The following FHIT variants were observed in gnomAD, a reference collection of about 807,000 sequenced individuals.
The protein encoded by FHIT is bis(5'-adenosyl)-triphosphatase.
FHIT carries 19 observed loss-of-function variants against 17.9 expected under a neutral mutation model. The observed-to-expected ratio is 1.06, with a 90% confidence interval of 0.74 to 1.56. The LOEUF (loss-of-function observed/expected upper bound fraction) is 1.56. Ranked by LOEUF, FHIT falls within the 40% of genes most tolerant of loss-of-function variation. The pLI, the probability that FHIT is intolerant of heterozygous loss-of-function variation, is 0.00. For missense variants in FHIT, 248 were observed against 189.2 expected, an observed-to-expected ratio of 1.31 and a Z score of -1.82; for synonymous variants, 81 against 69.7, an observed-to-expected ratio of 1.16 and a Z score of -0.81.
intron 5 of FHIT, among the ~76,000 whole-genome samples, chr3:60,161,689 A>G (rs1252844157): frequency 6.6e-6 from 1 of 152,106 alleles, no homozygotes; most frequent in African/African-American, 2.4e-5. Context: ...TGGGGGAAAA[A>G]AAAACCCAGA....
intron 5 of FHIT, among the ~76,000 whole-genome samples, chr3:60,403,492 A>G (rs752177360): frequency 8.5e-5 from 13 of 152,112 alleles, no homozygotes; most frequent in South Asian, 2.1e-4. Flanking sequence ...TCTAGCCTCT[A>G]ATTTTCTCCC....
intron 4 of FHIT, among the ~76,000 whole-genome samples, chr3:60,795,344 C>T (rs1311611022): frequency 5.3e-5 from 8 of 152,048 alleles, no homozygotes; most frequent in African/African-American, 1.2e-4. Context: ...CAGATTTTTC[C>T]GATGTTATTA....
At chr3:60,375,078 C>T (rs1576559743) in intron 5 of FHIT, among the ~76,000 whole-genome samples, 1 of 145,398 alleles carries the variant, frequency 6.9e-6, no homozygotes, top group South Asian at 2.2e-4. Flanking sequence ...TTATGCTCTT[C>T]AAGAATCATT....
chr3:59,761,346 T>C (rs1438641444), intron 8 of FHIT, among the ~76,000 whole-genome samples: 1 of 152,186 alleles, frequency 6.6e-6, no homozygotes, highest in Non-Finnish European at 1.5e-5. Flanking sequence ...TCCTCTCGGC[T>C]AGCTGTATCT....
chr3:60,770,880 T>G (rs1700020965), intron 4 of FHIT, among the ~76,000 whole-genome samples: 1 of 152,238 alleles, frequency 6.6e-6, no homozygotes, highest in Admixed American at 6.5e-5. Flanking sequence ...CTATTTAAAT[T>G]AGAGCCCATT....
chr3:60,007,013 T>C (rs1025358801), intron 7 of FHIT, among the ~76,000 whole-genome samples: 4 of 152,194 alleles, frequency 2.6e-5, no homozygotes, highest in Non-Finnish European at 2.9e-5. Flanking sequence ...TACTTCCCAC[T>C]GCGTTAATAC....
At chr3:61,175,670 C>G (rs1382728007) in intron 2 of FHIT, among the ~76,000 whole-genome samples, 1 of 151,462 alleles carries the variant, frequency 6.6e-6, no homozygotes, top group African/African-American at 2.4e-5. Flanking sequence ...GGCTTGAGGT[C>G]AAAAGGAGTA....
chr3:61,068,100 G>A (rs190290111), intron 2 of FHIT, among the ~76,000 whole-genome samples: 1 of 152,148 alleles, frequency 6.6e-6, no homozygotes, highest in Non-Finnish European at 1.5e-5. Context: ...AATTTACCAG[G>A]TGTATTACTA....
chr3:60,912,325 G>A lies in FHIT; in HGVS notation c.-110-90314C>T, dbSNP rs548907284. Among the ~76,000 whole-genome samples, 19 of 152,236 alleles carry A rather than the reference G, an allele frequency of 1.2e-4. No homozygotes were observed. The East Asian group carries it at 1.5e-3, about 12-fold the overall frequency. On this transcript the variant is annotated intron_variant, in intron 3 of 9. Coordinates refer to ENST00000492590, the MANE Select transcript of FHIT (RefSeq NM_002012.4). ...CTGGACTGTGGAATCCGATCATACC[G>A]GGAAATGAATCCTGGCTTACTCATT...
chr3:59,988,653 A>G (rs1161984607), intron 7 of FHIT, among the ~76,000 whole-genome samples: 1 of 152,080 alleles, frequency 6.6e-6, no homozygotes, highest in East Asian at 1.9e-4. Context: ...GATTTTAATC[A>G]AATCATCACA....
At chr3:60,747,031 C>A (rs2042371395) in intron 4 of FHIT, among the ~76,000 whole-genome samples, 1 of 151,960 alleles carries the variant, frequency 6.6e-6, no homozygotes, top group Non-Finnish European at 1.5e-5. Flanking sequence ...ACTGAAAAAC[C>A]CTTCATGATT....
At chr3:60,233,540 C>T (rs765839255) in intron 5 of FHIT, among the ~76,000 whole-genome samples, 3 of 152,142 alleles carry the variant, frequency 2.0e-5, no homozygotes, top group Admixed American at 6.5e-5. Context: ...CTCCTGCCCA[C>T]CCCTCTGCAC....
chr3:60,153,495 T>G (rs1700556903), intron 5 of FHIT, among the ~76,000 whole-genome samples: 1 of 152,132 alleles, frequency 6.6e-6, no homozygotes, highest in Non-Finnish European at 1.5e-5. Flanking sequence ...ATTTTGAGGT[T>G]TATCATGAAT....
chr3:60,475,070 A>G (rs2033276735), intron 5 of FHIT, among the ~76,000 whole-genome samples: 1 of 152,218 alleles, frequency 6.6e-6, no homozygotes, highest in South Asian at 2.1e-4. Flanking sequence ...TACTCCTTTG[A>G]TATAAACAGA....
At chr3:60,024,796 G>A (rs1294917698) in intron 5 of FHIT, among the ~76,000 whole-genome samples, 1 of 152,202 alleles carries the variant, frequency 6.6e-6, no homozygotes, top group Non-Finnish European at 1.5e-5. Context: ...AAGAGTGCAG[G>A]CCCTTGATAG....
chr3:60,904,512 T>G (rs1182069407), intron 3 of FHIT, among the ~76,000 whole-genome samples: 1 of 150,936 alleles, frequency 6.6e-6, no homozygotes, highest in African/African-American at 2.4e-5. Context: ...AGATTGAGAA[T>G]TTCAATTACC....
intron 5 of FHIT, among the ~76,000 whole-genome samples, chr3:60,049,091 A>AC (rs1239246857): frequency 6.6e-6 from 1 of 152,144 alleles, no homozygotes; most frequent in Non-Finnish European, 1.5e-5. Flanking sequence ...CACCCTATAG[A>AC]CATAGGCTTA....
chr3:60,100,106 C>T (rs1360566764), intron 5 of FHIT, among the ~76,000 whole-genome samples: 1 of 152,142 alleles, frequency 6.6e-6, no homozygotes, highest in African/African-American at 2.4e-5. Flanking sequence ...CTGTTCTCAC[C>T]AGTCTCAATA....
intron 8 of FHIT, among the ~76,000 whole-genome samples, chr3:59,887,273 C>T (rs1254415578): frequency 1.3e-5 from 2 of 152,154 alleles, no homozygotes; most frequent in Admixed American, 6.5e-5. Context: ...GAATCTTTCC[C>T]ATGGCCCATC....
Sources: gnomAD v4.1 joint callset for allele counts (sites outside exome capture counted in the v4.1 genomes callset) on GRCh38, gnomAD v4.1.1 for gene constraint, MANE v1.5 for transcripts, NCBI Gene and HGNC (gene_info 2026-07-23, HGNC 2026-07-21) for gene names.